MARCHF1: variants seen among roughly 807,000 people sequenced by gnomAD.
MARCHF1 encodes the protein membrane associated ring-CH-type finger 1, also known as E3 ubiquitin-protein ligase MARCHF1.
Under a neutral mutation model 54.2 loss-of-function variants are expected in MARCHF1, and 40 were observed. The observed-to-expected ratio is 0.74, with a 90% CI of 0.57 to 0.96. The LOEUF (loss-of-function observed/expected upper bound fraction) is 0.96. MARCHF1 is among the 40% of genes least tolerant of loss of function. The pLI, the probability that MARCHF1 is intolerant of heterozygous loss-of-function variation, is 0.00. For synonymous variants in MARCHF1, 236 were observed against 236.3 expected (o/e 1.00, Z 0.01); for missense variants, 586 against 656.5 (o/e 0.89, Z 1.17).
intron 1 of MARCHF1, among the ~76,000 whole-genome samples, chr4:164,382,162 C>T (rs1731389224): frequency 1.3e-5 from 2 of 152,210 alleles, no homozygotes; most frequent in South Asian, 4.1e-4. Flanking sequence ...TTATCTCACC[C>T]AGTTTCTTTT....
At chr4:164,169,216 A>G (rs1316936831) in intron 1 of MARCHF1, among the ~76,000 whole-genome samples, 1 of 152,142 alleles carries the variant, frequency 6.6e-6, no homozygotes, top group Non-Finnish European at 1.5e-5. Flanking sequence ...TTTCTTTAAA[A>G]AATTAAAGTA....
chr4:163,657,959 C>A (rs1474804709), intron 5 of MARCHF1, among the ~76,000 whole-genome samples: 1 of 151,992 alleles, frequency 6.6e-6, no homozygotes, highest in Non-Finnish European at 1.5e-5. Flanking sequence ...TGTAAAAACC[C>A]TAGAAGAAAA....
intron 5 of MARCHF1, among the ~76,000 whole-genome samples, chr4:163,645,514 C>T (rs968820126): frequency 1.6e-4 from 24 of 152,112 alleles, no homozygotes; most frequent in African/African-American, 5.1e-4. Flanking sequence ...GTTCCAGCAA[C>T]CAAGTCCAAA....
intron 1 of MARCHF1, among the ~76,000 whole-genome samples, chr4:164,231,360 A>AT (rs1291731516): frequency 6.6e-6 from 1 of 152,054 alleles, no homozygotes; most frequent in African/African-American, 2.4e-5. Context: ...TGGCCAATTT[A>AT]TTTTTTTATG....
At chr4:163,616,535 A>C (rs756373571) in intron 5 of MARCHF1, among the ~76,000 whole-genome samples, 1 of 152,116 alleles carries the variant, frequency 6.6e-6, no homozygotes, top group Non-Finnish European at 1.5e-5. Context: ...GAGAACTGTA[A>C]ATCAAAGCCA....
chr4:163,938,167 A>C (rs966543682), intron 3 of MARCHF1, among the ~76,000 whole-genome samples: 1 of 152,174 alleles, frequency 6.6e-6, no homozygotes, highest in Non-Finnish European at 1.5e-5. Flanking sequence ...CATTTGGCAC[A>C]CTTCTTTTAG....
intron 2 of MARCHF1, among the ~76,000 whole-genome samples, chr4:164,108,180 A>C (rs1755749676): frequency 6.6e-6 from 1 of 152,134 alleles, no homozygotes; most frequent in African/African-American, 2.4e-5. Context: ...GGCTTAAAGC[A>C]ACTTTATCTC....
chr4:164,055,149 A>C (rs1253291526), intron 2 of MARCHF1: 1 of 152,110 alleles, frequency 6.6e-6, no homozygotes, highest in Non-Finnish European at 1.5e-5. Flanking sequence ...GTAATAAAGA[A>C]ATTACCGATG....
intron 1 of MARCHF1, among the ~76,000 whole-genome samples, chr4:164,338,586 C>CA (rs1387700548): frequency 2.0e-5 from 3 of 151,640 alleles, no homozygotes; most frequent in African/African-American, 7.3e-5. Context: ...CAAATGGAAA[C>CA]AAAAAAAGAG....
rs1396500534 is a variant in MARCHF1 at position 164,203,638 on chromosome 4, CT to C, written c.-322-91977del. Among the ~76,000 whole-genome samples, 6 of 152,218 alleles carry C rather than the reference CT, an allele frequency of 3.9e-5. No individual in the cohort carries two copies. The East Asian group carries it at 1.2e-3, about 29-fold the overall frequency. ...GCCAAAAAAACAAAACAAAACAAAC[CT>C]TCATAGAAACATCCAGAATAATGTT... On this transcript the variant is annotated intron_variant, in intron 1 of 9. Transcript: ENST00000514618.
At chr4:164,190,661 A>G (rs115509269) in intron 1 of MARCHF1, among the ~76,000 whole-genome samples, 74 of 152,346 alleles carry the variant, frequency 4.9e-4, no homozygotes, top group African/African-American at 1.8e-3. Context: ...AGTGATGCCA[A>G]TAAATGTTAG....
intron 8 of MARCHF1, among the ~76,000 whole-genome samples, chr4:163,562,625 C>G (rs1309341855): frequency 6.6e-6 from 1 of 152,100 alleles, no homozygotes; most frequent in Non-Finnish European, 1.5e-5. Flanking sequence ...CTTCCTGACT[C>G]CTCTGAGCCT....
chr4:163,780,594 C>G (rs564054068), intron 4 of MARCHF1, among the ~76,000 whole-genome samples: 10 of 135,134 alleles, frequency 7.4e-5, no homozygotes, highest in Admixed American at 7.1e-4. Context: ...AAAAAAAGAA[C>G]TTCCTTTGAA....
intron 1 of MARCHF1, among the ~76,000 whole-genome samples, chr4:164,322,569 G>T (rs114819643): frequency 0.017 from 2,585 of 152,046 alleles, 68 homozygotes; most frequent in African/African-American, 0.059. Context: ...AATAAATAAT[G>T]TAACTGAATT....
chr4:163,782,542 C>T (rs971822613), intron 4 of MARCHF1, among the ~76,000 whole-genome samples: 9 of 151,718 alleles, frequency 5.9e-5, no homozygotes, highest in African/African-American at 2.2e-4. Context: ...TGGTGGTGCA[C>T]ACCTGTTATC....
At chr4:163,712,087 T>C (rs1745124211) in intron 4 of MARCHF1, among the ~76,000 whole-genome samples, 1 of 152,164 alleles carries the variant, frequency 6.6e-6, no homozygotes, top group African/African-American at 2.4e-5. Context: ...GGGTTTAAGA[T>C]TGGAGACATG....
At chr4:163,721,452 T>C (rs1168412544) in intron 4 of MARCHF1, among the ~76,000 whole-genome samples, 16 of 150,592 alleles carry the variant, frequency 1.1e-4, no homozygotes, top group African/African-American at 2.7e-4. Context: ...TGAGGATTTT[T>C]GCATCGATGT....
In MARCHF1 at chr4:163,880,697, T is replaced by C. The variant is rs113275728; in HGVS notation, c.-38-26528A>G. 1.0e-2 allele frequency among the ~76,000 whole-genome samples: 1,521 copies of C among 152,188 alleles called. 25 individuals are homozygous for C. The highest frequency in any genetic ancestry group is 0.031 in the African/African-American group (1,277 of 41,544). ...CTATTGTTGGTCCATTATCAAGACA[T>C]AGATATTAACAGCAGTAATTAACAT... is the stretch of plus-strand genomic sequence containing the variant. On this transcript the variant is annotated intron_variant, in intron 3 of 9. Transcript: ENST00000514618.
rs956163672 is a variant in MARCHF1 at position 164,245,645 on chromosome 4, A to G, written c.-322-133983T>C. ...AAATAAAGGGTATTCAATTAGGAAA[A>G]GAGGAAGTCAAATTGTCCCTCTTTG... is the stretch of plus-strand genomic sequence containing the variant. On this transcript the variant is annotated intron_variant, in intron 1 of 9. Transcript: ENST00000514618. Among the ~76,000 whole-genome samples the G allele has an allele frequency of 2.6e-5, 4 of 152,146 alleles. No individual in the cohort carries two copies. The South Asian group carries it at 8.3e-4, about 32-fold the overall frequency.
Sources: allele counts gnomAD v4.1 joint callset (sites outside exome capture counted in the v4.1 genomes callset), GRCh38; gene constraint gnomAD v4.1.1; transcripts MANE v1.5; gene names NCBI Gene and HGNC (gene_info 2026-07-23, HGNC 2026-07-21).